KIF3C: variants seen among roughly 807,000 people sequenced by gnomAD.
KIF3C encodes the protein kinesin-like protein KIF3C.
In KIF3C, 12 loss-of-function variants were observed where a neutral mutation model predicts 67.7. The observed-to-expected ratio is 0.18, with a 90% confidence interval of 0.11 to 0.29. The LOEUF is 0.29. Among genes scored for constraint, KIF3C ranks in the 10% least tolerant of loss-of-function variants. The probability of loss-of-function intolerance (pLI) is 1.00; values close to 1 mark genes in which losing one functional copy is unlikely to be tolerated. For missense variants in KIF3C, 789 were observed against 1,059.6 expected, an observed-to-expected ratio of 0.74 and a Z score of 3.55; for synonymous variants, 393 against 426.2, an observed-to-expected ratio of 0.92 and a Z score of 0.96.
chr2:25,930,146 G>C, intron 5 of KIF3C, 83 bp from the exon 6 acceptor site: 1 of 1,125,374 alleles, frequency 8.9e-7, no homozygotes, highest in Non-Finnish European at 1.3e-6. Flanking sequence ...ATATCATTCA[G>C]GTAGCTAGGA....
intron 5 of KIF3C, among the ~76,000 whole-genome samples, chr2:25,940,682 GCT>G (rs754077722): frequency 1.4e-3 from 124 of 90,052 alleles, no homozygotes; most frequent in Non-Finnish European, 2.1e-3. Flanking sequence ...TTTGAGTCTC[GCT>G]CTGTTGCTCA....
chr2:25,933,968 A>C (rs1170845734), intron 5 of KIF3C: 1 of 310,722 alleles, frequency 3.2e-6, no homozygotes, highest in African/African-American at 2.3e-5. Flanking sequence ...AATTACCGAA[A>C]TGTCCACCAA....
At chr2:25,942,871 A>C (rs1663330584) in intron 5 of KIF3C, among the ~76,000 whole-genome samples, 1 of 152,210 alleles carries the variant, frequency 6.6e-6, no homozygotes, top group Non-Finnish European at 1.5e-5. Context: ...ATATTTCTCA[A>C]GAGCTGCCTG....
rs1412161106 is a variant in KIF3C, at chr2:25,929,545, G to C, written c.2116-68C>G. The C allele has an allele frequency of 3.5e-6, 5 of 1,413,996 alleles. No individual in the cohort carries two copies. The Admixed American group carries it at 8.5e-5, about 24-fold the overall frequency. The allele number at this position is 1,413,996 out of a possible 1,614,324, so 87.6% of individuals were successfully genotyped here. A position where few individuals can be genotyped will look rare whatever the true frequency, so the allele number is the denominator to read the frequency against. On this transcript the variant is annotated intron_variant, in intron 6 of 7. Coordinates refer to ENST00000264712, the MANE Select transcript of KIF3C (RefSeq NM_002254.8). The stretch of plus-strand genomic sequence containing the variant: ...ACTGTGCCTTCTAGGGACTCAGCCA[G>C]TCTTGGGTGTAGCAGGGCTGATGAG...
chr2:25,946,685 TCAAAAA>T (rs1366948502), intron 5 of KIF3C, among the ~76,000 whole-genome samples: 1 of 151,814 alleles, frequency 6.6e-6, no homozygotes, highest in African/African-American at 2.4e-5. Context: ...AGACTCCATC[TCAAAAA>T]CAAAAACAAA....
chr2:25,928,822 A>T lies in KIF3C; in HGVS notation c.*156T>A. On this transcript the variant is annotated 3_prime_UTR_variant, in exon 8 of 8. Transcript: ENST00000264712. ...GAATTAAATAAAGGAGGCGAAGAAG[A>T]GCAGGCAGAGGCACCATCTGCCAGA... 1 of 611,982 alleles carries T rather than the reference A, an allele frequency of 1.6e-6. No individual in the cohort carries two copies. Among genetic ancestry groups the T allele is most frequent in the Non-Finnish European group, 2.9e-6 (1 of 347,252 alleles). The allele number at this position is 611,982 out of a possible 1,614,324, so 37.9% of individuals were successfully genotyped here. A position where few individuals can be genotyped will look rare whatever the true frequency, so the allele number is the denominator to read the frequency against.
chr2:25,929,466 T>C lies in KIF3C; in HGVS notation c.2127A>G (p.Ile709Met). ...GGGACACATCCAACTCCAGAAACATTATGTTTTCAGCCTGTGGTGGGAATA... is the reference window on the plus strand; with the variant it reads ...GGGACACATCCAACTCCAGAAACATCATGTTTTCAGCCTGTGGTGGGAATA... ...GSHPRYRAEN[I>M]MFLELDVSPP... The change falls in exon 7 of 8, where the codon ATA becomes ATG. Residue 709 changes from isoleucine (I) to methionine (M), a missense_variant. By Grantham distance (10) the Ile-to-Met change is conservative (BLOSUM62 1). This residue lies in a region of KIF3C where 648 missense variants were observed against 807.8 expected (regional missense o/e 0.80). Coordinates refer to ENST00000264712, the MANE Select transcript of KIF3C (RefSeq NM_002254.8). 1 of 1,613,828 alleles carries C rather than the reference T, an allele frequency of 6.2e-7. No homozygotes were observed. Among genetic ancestry groups the C allele is most frequent in the Non-Finnish European group, 8.5e-7 (1 of 1,179,858 alleles).
At position 25,946,659 on chromosome 2, in the gene KIF3C, G is replaced by C. The variant is rs190084776; in HGVS notation, c.2006+5130C>G. On this transcript the variant is annotated intron_variant, in intron 5 of 7. Coordinates refer to ENST00000264712, the MANE Select transcript of KIF3C (RefSeq NM_002254.8). ...GCCAAGATCGCGCCACTGCACTCCA[G>C]CCTGACGACAGAGCTAGACTCCATC... 4.0e-4 allele frequency among the ~76,000 whole-genome samples: 61 copies of C among 152,304 alleles called. 1 individual carries two copies. The highest frequency in any genetic ancestry group is 1.4e-3 in the African/African-American group (57 of 41,570).
At position 25,981,035 on chromosome 2, in the gene KIF3C, G is replaced by C. The variant is rs755515809; in HGVS notation, c.883C>G (p.Leu295Val). The C allele has an allele frequency of 8.7e-6, 14 of 1,614,082 alleles. No individual in the cohort carries two copies. Among genetic ancestry groups the C allele is most frequent in the African/African-American group, 5.3e-5 (4 of 74,928 alleles). ...ACGTTGCCCAGGGCAGATAATGAGA[G>C]GTTGATTTTGGAGGCTTCCTTAGGC... ...ERPKEASKINLSLSALGNVIA... is the reference protein window; with the variant it reads ...ERPKEASKINVSLSALGNVIA... The change falls in exon 1 of 8, where the codon CTC becomes GTC. Residue 295 changes from leucine to valine, a missense_variant. By Grantham distance (32) the Leu-to-Val change is conservative (BLOSUM62 1). Around this residue, in one of 2 missense-constraint regions of KIF3C, gnomAD observed 648 missense variants for 807.8 expected, o/e 0.80. Transcript: ENST00000264712. This position sits in a 1 kb window ranked among gnomAD's most constrained non-coding sequence, Gnocchi z 8.2.
At chr2:25,934,961 T>C (rs1454381935) in intron 5 of KIF3C, among the ~76,000 whole-genome samples, 1 of 150,192 alleles carries the variant, frequency 6.7e-6, no homozygotes. Context: ...AAAAAGTTTA[T>C]GGCCAGGCGC....
chr2:25,962,568 G>C (rs1400454400), intron 1 of KIF3C, among the ~76,000 whole-genome samples: 1 of 149,208 alleles, frequency 6.7e-6, no homozygotes, highest in African/African-American at 2.5e-5. Flanking sequence ...GTAGAGACAG[G>C]GTTTCTCCAT....
chr2:25,940,485 C>T (rs764378561), intron 5 of KIF3C, among the ~76,000 whole-genome samples: 9 of 151,260 alleles, frequency 6.0e-5, no homozygotes, highest in Non-Finnish European at 8.8e-5. Context: ...GCGGAAGAAT[C>T]GCTTGAACCC....
chr2:25,936,654 A>T (rs1029837790), intron 5 of KIF3C, among the ~76,000 whole-genome samples: 2 of 152,102 alleles, frequency 1.3e-5, no homozygotes, highest in South Asian at 2.1e-4. Context: ...GGATCCAGGA[A>T]TGGAAGTGTT....
intron 1 of KIF3C, among the ~76,000 whole-genome samples, chr2:25,970,599 G>A (rs910292057): frequency 6.7e-5 from 10 of 149,578 alleles, no homozygotes; most frequent in African/African-American, 2.5e-4. Flanking sequence ...CCCGGGAGGT[G>A]GAGGTTGCAG....
chr2:25,952,707 G>A (rs1663655019), intron 4 of KIF3C, among the ~76,000 whole-genome samples: 1 of 151,822 alleles, frequency 6.6e-6, no homozygotes, highest in Admixed American at 6.6e-5. Flanking sequence ...ACAGGCACAT[G>A]CCACCATGCC....
At chr2:25,970,942 G>A (rs1439981388) in intron 1 of KIF3C, among the ~76,000 whole-genome samples, 1 of 143,756 alleles carries the variant, frequency 7.0e-6, no homozygotes, top group South Asian at 2.3e-4. Context: ...TGGCCAACAT[G>A]GTGAAACCCT....
chr2:25,953,370 T>A (rs1663690937), intron 4 of KIF3C, among the ~76,000 whole-genome samples: 1 of 152,092 alleles, frequency 6.6e-6, no homozygotes, highest in Non-Finnish European at 1.5e-5. Flanking sequence ...AAAAATAATT[T>A]TTTTTTTTGA....
Position 25,981,896 on chromosome 2 carries a change from T to C in KIF3C, c.22A>G (p.Ser8Gly). 6.4e-7 allele frequency: 1 copy of C among 1,566,262 alleles called. No individual in the cohort carries two copies. Among genetic ancestry groups the C allele is most frequent in the Non-Finnish European group, 8.6e-7 (1 of 1,158,334 alleles). MASKTKA[S>G]EALKVVARCR... is the part of the protein sequence containing the mutation. ...CGGGCCACCACCTTGAGGGCCTCGC[T>C]GGCCTTGGTCTTACTGGCCATCTTG... Residue 8 changes from serine to glycine, a missense_variant, in exon 1 of 8, where the codon AGC (serine) becomes GGC (glycine). Ser to Gly is a moderately conservative substitution (Grantham distance 56). Transcript: ENST00000264712. This position sits in a 1 kb window ranked among gnomAD's most constrained non-coding sequence, Gnocchi z 8.2.
intron 5 of KIF3C, among the ~76,000 whole-genome samples, chr2:25,947,560 G>A (rs924281583): frequency 6.6e-6 from 1 of 151,480 alleles, no homozygotes; most frequent in Non-Finnish European, 1.5e-5. Flanking sequence ...CAGCCTGGGT[G>A]ACAGAGCGAG....
Sources: allele counts gnomAD v4.1 joint callset (sites outside exome capture counted in the v4.1 genomes callset), GRCh38; gene constraint gnomAD v4.1.1; regional missense constraint gnomAD v4.1.1; non-coding constraint Gnocchi (gnomAD v3.1); transcripts MANE v1.5; gene names NCBI Gene and HGNC (gene_info 2026-07-23, HGNC 2026-07-21).